Variants in KLHL42 observed in about 807,000 individuals in gnomAD.
KLHL42 encodes the protein kelch like family member 42, also known as kelch-like protein 42.
KLHL42 carries 27 observed loss-of-function variants against 32.7 expected under a neutral mutation model. The observed-to-expected ratio is 0.83, with a 90% CI of 0.61 to 1.14. The LOEUF (loss-of-function observed/expected upper bound fraction) is 1.14. Among genes scored for constraint, KLHL42 ranks in the 50% most tolerant of loss-of-function variants. The probability of loss-of-function intolerance (pLI) is 0.00; values close to 1 mark genes in which losing one functional copy is unlikely to be tolerated. For missense variants in KLHL42, 491 were observed against 560.8 expected, an observed-to-expected ratio of 0.88 and a Z score of 1.26; for synonymous variants, 267 against 248.2, an observed-to-expected ratio of 1.08 and a Z score of -0.71.
chr12:27,784,999 A>T (rs2062165575), intron 1 of KLHL42, among the ~76,000 whole-genome samples: 1 of 152,028 alleles, frequency 6.6e-6, no homozygotes, highest in African/African-American at 2.4e-5. Flanking sequence ...ATGTTTTCCC[A>T]TGCTGTTATT....
intron 2 of KLHL42, 101 bp from the exon 3 acceptor site, chr12:27,797,614 C>T: frequency 1.5e-6 from 1 of 654,580 alleles, no homozygotes. Context: ...AGTTTTTTCT[C>T]TTTGTTACCA....
At position 27,799,452 on chromosome 12, in the gene KLHL42, T is replaced by G. The variant is rs2062234566; in HGVS notation, c.*1286T>G. 1 of 152,228 alleles carries G rather than the reference T, an allele frequency of 6.6e-6. No individual in the cohort carries two copies. Among genetic ancestry groups the G allele is most frequent in the East Asian group, 1.9e-4 (1 of 5,204 alleles). The allele number at this position is 152,228 out of a possible 1,614,324, so 9.4% of individuals were successfully genotyped here. ...AATTATCTGATATTTTGTAATGGCA[T>G]CAGTTAAACTGTGAGCTGGATTCCA... On this transcript the variant is annotated 3_prime_UTR_variant, in exon 3 of 3. Coordinates refer to ENST00000381271, the MANE Select transcript of KLHL42 (RefSeq NM_020782.2).
chr12:27,792,390 C>G (rs2062201311), intron 2 of KLHL42, among the ~76,000 whole-genome samples: 2 of 152,198 alleles, frequency 1.3e-5, no homozygotes, highest in South Asian at 2.1e-4. Context: ...AGCACACACA[C>G]ATCAGGTAGA....
At chr12:27,795,994 A>G (rs1051970480) in intron 2 of KLHL42, among the ~76,000 whole-genome samples, 1 of 152,216 alleles carries the variant, frequency 6.6e-6, no homozygotes, top group African/African-American at 2.4e-5. Context: ...GTGGACAGCC[A>G]GGTTACTAAG....
chr12:27,785,821 G>A (rs1328609624), intron 1 of KLHL42, among the ~76,000 whole-genome samples: 1 of 151,972 alleles, frequency 6.6e-6, no homozygotes, highest in African/African-American at 2.4e-5. Context: ...AAAAACTATG[G>A]AATATATTTT....
chr12:27,780,431 A>G lies in KLHL42; in HGVS notation c.101A>G (p.Tyr34Cys). 1 of 1,552,152 alleles carries G rather than the reference A, an allele frequency of 6.4e-7. No homozygotes were observed. Residue 34 changes from tyrosine to cysteine, a missense_variant, in exon 1 of 3, where the codon TAC becomes TGC. Tyr to Cys is a radical substitution (Grantham distance 194). Transcript: ENST00000381271. The surrounding 1 kb of genome is among the most constrained non-coding windows in gnomAD (Gnocchi z 8.8). ...IEQSDYFRAL[Y>C]RSGMREALSQ... ...CAGAGCGACTACTTCCGCGCCCTCT[A>G]CCGCTCCGGCATGCGCGAGGCCCTG...
At position 27,798,276 on chromosome 12, in the gene KLHL42, T is replaced by A. The variant is rs538204005; in HGVS notation, c.*110T>A. The A allele has an allele frequency of 1.4e-4, 89 of 646,424 alleles. No individual in the cohort carries two copies. Among genetic ancestry groups the A allele is most frequent in the Admixed American group, 1.1e-3 (43 of 40,028 alleles). 40.0% of individuals were successfully genotyped at this position (646,424 alleles called of 1,614,324 possible). ...AAGGGTAAAGAAGGGTTAAAGTAGG[T>A]CACATATATACAGTAGCAGCTGTAA... On this transcript the variant is annotated 3_prime_UTR_variant, in exon 3 of 3. Transcript: ENST00000381271.
intron 1 of KLHL42, among the ~76,000 whole-genome samples, chr12:27,786,205 A>T (rs1258910737): frequency 6.6e-6 from 1 of 152,244 alleles, no homozygotes; most frequent in Admixed American, 6.5e-5. Context: ...TGCAGGGACC[A>T]TCTTCATGCA....
intron 2 of KLHL42, among the ~76,000 whole-genome samples, chr12:27,793,090 T>A (rs1398959545): frequency 6.6e-6 from 1 of 152,152 alleles, no homozygotes; most frequent in Non-Finnish European, 1.5e-5. Context: ...TAGGGAATTG[T>A]CTCAGGTTAC....
rs369922323 is a variant in KLHL42, at chr12:27,799,109, G to A, written c.*943G>A. 1.2e-4 allele frequency: 19 copies of A among 152,550 alleles called. No homozygotes were observed. In the South Asian group the frequency reaches 1.7e-3, roughly 13 times the overall value. The allele number at this position is 152,550 out of a possible 1,614,324, so 9.4% of individuals were successfully genotyped here. Reference sequence around the variant, plus strand: ...AAAAAAACTTTGTCATATTTAAGTCGGCAGCTTTCTAATTTAATCTTAGCT... The same window carrying A: ...AAAAAAACTTTGTCATATTTAAGTCAGCAGCTTTCTAATTTAATCTTAGCT... On this transcript the variant is annotated 3_prime_UTR_variant, in exon 3 of 3. Coordinates refer to ENST00000381271, the MANE Select transcript of KLHL42 (RefSeq NM_020782.2).
chr12:27,798,338 G>GA lies in KLHL42; in HGVS notation c.*178dup, dbSNP rs1470114454. ...TGAACTAATTACTTGAAAACTGGTG[G>GA]AAAAAAGAGACCAACTTTGTTATTT... On this transcript the variant is annotated 3_prime_UTR_variant, in exon 3 of 3. Coordinates refer to ENST00000381271, the MANE Select transcript of KLHL42 (RefSeq NM_020782.2). 2.8e-5 allele frequency: 15 copies of GA among 544,200 alleles called. No homozygotes were observed. Among genetic ancestry groups the GA allele is most frequent in the East Asian group, 2.1e-4 (7 of 33,448 alleles). The allele number at this position is 544,200 out of a possible 1,614,324, so 33.7% of individuals were successfully genotyped here.
At chr12:27,797,000 G>A (rs1264459052) in intron 2 of KLHL42, among the ~76,000 whole-genome samples, 2 of 151,980 alleles carry the variant, frequency 1.3e-5, no homozygotes, top group Admixed American at 6.6e-5. Context: ...TCTTATCTAC[G>A]CTACAACTGT....
At chr12:27,796,020 A>G (rs533567327) in intron 2 of KLHL42, among the ~76,000 whole-genome samples, 69 of 152,330 alleles carry the variant, frequency 4.5e-4, no homozygotes, top group African/African-American at 1.6e-3. Context: ...CTTTTTGTTA[A>G]ATAAGTGACC....
rs1332141204 is a variant in KLHL42, at chr12:27,791,796, C to T, written c.961C>T (p.Gln321Ter). ...VSNVECYNPE[Q>*]DAWNFVAPLP... ...TAACGTTGAGTGTTACAACCCCGAGCAGGATGCGTGGAATTTTGTGGCGCC... is the reference window on the plus strand; with the variant it reads ...TAACGTTGAGTGTTACAACCCCGAGTAGGATGCGTGGAATTTTGTGGCGCC... Residue 321 changes from glutamine (Q) to a stop codon, truncating the protein, a stop_gained, in exon 2 of 3, where the codon CAG becomes TAG. Transcript: ENST00000381271. LOFTEE classifies it high-confidence loss of function. 6 of 1,614,144 alleles carry T rather than the reference C, an allele frequency of 3.7e-6. No homozygotes were observed. Among genetic ancestry groups the T allele is most frequent in the Non-Finnish European group, 5.1e-6 (6 of 1,179,978 alleles).
At chr12:27,794,203 C>T (rs1046673138) in intron 2 of KLHL42, among the ~76,000 whole-genome samples, 7 of 152,156 alleles carry the variant, frequency 4.6e-5, no homozygotes, top group Admixed American at 2.0e-4. Flanking sequence ...ATAGTTCTGG[C>T]GACCAGAAGT....
At chr12:27,787,761 T>C (rs1380339464) in intron 1 of KLHL42, 1 of 152,226 alleles carries the variant, frequency 6.6e-6, no homozygotes, top group Non-Finnish European at 1.5e-5. Context: ...GGAATTGCAG[T>C]TGTCAGCCTT....
rs1411833192 is a variant in KLHL42 at position 27,798,421 on chromosome 12, T to A, written c.*255T>A. ...AATCCATCTCCAAACATGATACTCT[T>A]GGGCCAATGACGGATCATCAAAATG... On this transcript the variant is annotated 3_prime_UTR_variant, in exon 3 of 3. Transcript: ENST00000381271. 1.4e-5 allele frequency: 6 copies of A among 437,724 alleles called. No homozygotes were observed. The highest frequency in any genetic ancestry group is 2.1e-5 in the Non-Finnish European group (5 of 243,804). The allele number at this position is 437,724 out of a possible 1,614,324, so 27.1% of individuals were successfully genotyped here.
chr12:27,784,575 G>A (rs558555339), intron 1 of KLHL42, among the ~76,000 whole-genome samples: 6 of 152,086 alleles, frequency 3.9e-5, no homozygotes, highest in Non-Finnish European at 7.4e-5. Context: ...CATCGGGCCC[G>A]TGAATAGCCA....
At position 27,802,796 on chromosome 12, in the gene KLHL42, A is replaced by G. The variant is rs940661226; in HGVS notation, c.*4630A>G. ...CTTGAGCTGTCCCTGCAATGTTTTC[A>G]TATCTAGTAGTCATTTTAGGGAAAG... On this transcript the variant is annotated 3_prime_UTR_variant, in exon 3 of 3. Coordinates refer to ENST00000381271, the MANE Select transcript of KLHL42 (RefSeq NM_020782.2). 3.3e-5 allele frequency: 5 copies of G among 152,618 alleles called. No individual in the cohort carries two copies. Among genetic ancestry groups the G allele is most frequent in the Non-Finnish European group, 5.9e-5 (4 of 68,038 alleles). The allele number at this position is 152,618 out of a possible 1,614,324, so 9.5% of individuals were successfully genotyped here.
Sources: gnomAD v4.1 joint callset for allele counts (sites outside exome capture counted in the v4.1 genomes callset) on GRCh38, gnomAD v4.1.1 for gene constraint, Gnocchi (gnomAD v3.1) non-coding constraint, MANE v1.5 for transcripts, NCBI Gene and HGNC (gene_info 2026-07-23, HGNC 2026-07-21) for gene names.